Variants in TMEM108 observed in about 807,000 individuals in gnomAD.
TMEM108 encodes transmembrane protein 108, also known as cancer/testis antigen 124.
A neutral mutation model predicts 35.1 loss-of-function variants in TMEM108; 12 were observed. The observed-to-expected ratio is 0.34, with a 90% CI of 0.22 to 0.55. The LOEUF is 0.55. TMEM108 is among the 20% of genes least tolerant of loss of function. TMEM108 has a pLI of 0.89. For missense variants in TMEM108, 680 were observed against 753.3 expected, an observed-to-expected ratio of 0.90 and a Z score of 1.14; for synonymous variants, 287 against 308.6, an observed-to-expected ratio of 0.93 and a Z score of 0.73.
At chr3:133,223,557 T>C (rs1946023555) in intron 2 of TMEM108, among the ~76,000 whole-genome samples, 1 of 152,210 alleles carries the variant, frequency 6.6e-6, no homozygotes, top group South Asian at 2.1e-4. Flanking sequence ...AATTATTCTC[T>C]GAGGGACCAG....
intron 2 of TMEM108, among the ~76,000 whole-genome samples, chr3:133,191,863 G>A (rs1945502334): frequency 1.3e-5 from 2 of 152,076 alleles, no homozygotes; most frequent in South Asian, 2.1e-4. Flanking sequence ...TGAATGAATC[G>A]ATGGGGTAAA....
In TMEM108 at chr3:133,156,065, T is replaced by TTTAC. The variant is rs1170236438; in HGVS notation, c.-46-73198_-46-73197insCTTA. On this transcript the variant is annotated intron_variant, in intron 2 of 5. Transcript: ENST00000321871. The stretch of plus-strand genomic sequence containing the variant: ...TTTCAATCTTGTTTTTATTTTTTCT[T>TTTAC]TTATTTATTTATTTATTTATTTATT... 1.7e-3 allele frequency among the ~76,000 whole-genome samples: 70 copies of TTTAC among 41,884 alleles called. 1 individual carries two copies. The highest frequency in any genetic ancestry group is 0.011 in the African/African-American group (68 of 6,350). The allele number at this position is 41,884 out of a possible 152,430, so 27.5% of individuals were successfully genotyped here. A position where few individuals can be genotyped will look rare whatever the true frequency, so the allele number is the denominator to read the frequency against.
chr3:133,191,928 G>A (rs1170038972), intron 2 of TMEM108, among the ~76,000 whole-genome samples: 1 of 152,140 alleles, frequency 6.6e-6, no homozygotes, highest in African/African-American at 2.4e-5. Flanking sequence ...CACCCAGACT[G>A]CTTGAATATG....
chr3:133,151,622 G>T lies in TMEM108; in HGVS notation c.-46-77644G>T, dbSNP rs547388751. ...ACATTAAACTAGGATTTTAATGCTA[G>T]AAATAAATAATAGTAACAAAGAGCC... On this transcript the variant is annotated intron_variant, in intron 2 of 5. Transcript: ENST00000321871. Among the ~76,000 whole-genome samples, 4 of 152,214 alleles carry T rather than the reference G, an allele frequency of 2.6e-5. 1 individual carries two copies. Among genetic ancestry groups the T allele is most frequent in the African/African-American group, 9.6e-5 (4 of 41,562 alleles).
intron 3 of TMEM108, among the ~76,000 whole-genome samples, chr3:133,261,809 G>A (rs866865091): frequency 6.6e-6 from 1 of 152,126 alleles, no homozygotes; most frequent in Non-Finnish European, 1.5e-5. Flanking sequence ...GTATTTTAGC[G>A]GCTGCTTCAG....
At position 133,133,805 on chromosome 3, in the gene TMEM108, C is replaced by T. The variant is rs189444214; in HGVS notation, c.-47+87785C>T. ...TCCCAGGTTCACGCCATTCTATCGCCCAGGATGGAGTGCAGTGGCGCGATC... is the reference window on the plus strand; with the variant it reads ...TCCCAGGTTCACGCCATTCTATCGCTCAGGATGGAGTGCAGTGGCGCGATC... On this transcript the variant is annotated intron_variant, in intron 2 of 5. Coordinates refer to ENST00000321871, the MANE Select transcript of TMEM108 (RefSeq NM_023943.4). Among the ~76,000 whole-genome samples, 7 of 151,876 alleles carry T rather than the reference C, an allele frequency of 4.6e-5. No homozygotes were observed. The East Asian group carries it at 1.4e-3, about 29-fold the overall frequency.
At chr3:133,163,087 A>G (rs1944984318) in intron 2 of TMEM108, among the ~76,000 whole-genome samples, 1 of 152,128 alleles carries the variant, frequency 6.6e-6, no homozygotes, top group African/African-American at 2.4e-5. Flanking sequence ...CGTTGCTTTT[A>G]CTGGCCACAG....
intron 3 of TMEM108, among the ~76,000 whole-genome samples, chr3:133,241,748 G>A (rs11708546): frequency 0.32 from 48,257 of 151,292 alleles, 8,484 homozygotes; most frequent in East Asian, 0.47. Flanking sequence ...CCAAGTAGCT[G>A]GGATTACAGG....
At chr3:133,074,931 G>T (rs1943722363) in intron 2 of TMEM108, among the ~76,000 whole-genome samples, 2 of 152,162 alleles carry the variant, frequency 1.3e-5, no homozygotes, top group African/African-American at 2.4e-5. Flanking sequence ...ATAAGCCAGG[G>T]ACCATCCATA....
chr3:133,176,827 G>A (rs966357682), intron 2 of TMEM108, among the ~76,000 whole-genome samples: 2 of 151,780 alleles, frequency 1.3e-5, no homozygotes, highest in African/African-American at 4.8e-5. Context: ...GAGCAGAACT[G>A]AAGGAAATAG....
intron 1 of TMEM108, among the ~76,000 whole-genome samples, chr3:133,039,334 T>G (rs1190445548): frequency 6.6e-6 from 1 of 152,158 alleles, no homozygotes; most frequent in African/African-American, 2.4e-5. Context: ...TATTACTTAT[T>G]TTCAGCATGT....
intron 2 of TMEM108, among the ~76,000 whole-genome samples, chr3:133,164,686 T>C (rs933392975): frequency 1.3e-5 from 2 of 152,208 alleles, no homozygotes; most frequent in African/African-American, 4.8e-5. Context: ...ATCTTGCAGC[T>C]AAGTATGACA....
intron 3 of TMEM108, among the ~76,000 whole-genome samples, chr3:133,363,663 C>G (rs1364128494): frequency 6.6e-6 from 1 of 152,142 alleles, no homozygotes; most frequent in African/African-American, 2.4e-5. Context: ...ACCTTGGCCT[C>G]CCAAAGTGCT....
At chr3:133,073,526 A>ATATATATATATATATATATATATT (rs1195384146) in intron 2 of TMEM108, among the ~76,000 whole-genome samples, 2 of 116,682 alleles carry the variant, frequency 1.7e-5, no homozygotes, top group East Asian at 2.4e-4. Context: ...ATATATATAT[A>ATATATATATATATATATATATATT]TATATATATC....
At chr3:133,109,826 G>T (rs1168552306) in intron 2 of TMEM108, among the ~76,000 whole-genome samples, 1 of 152,146 alleles carries the variant, frequency 6.6e-6, no homozygotes, top group Non-Finnish European at 1.5e-5. Flanking sequence ...ATGATTTGTA[G>T]CATATTCTTA....
At chr3:133,179,058 C>T (rs1945287072) in intron 2 of TMEM108, among the ~76,000 whole-genome samples, 1 of 152,068 alleles carries the variant, frequency 6.6e-6, no homozygotes, top group Admixed American at 6.5e-5. Context: ...TGAAAAAATG[C>T]TCATCATCAC....
At chr3:133,102,882 A>G (rs1022807262) in intron 2 of TMEM108, among the ~76,000 whole-genome samples, 3 of 150,668 alleles carry the variant, frequency 2.0e-5, no homozygotes, top group African/African-American at 4.9e-5. Flanking sequence ...TCAAACCCCC[A>G]ATGAGATACC....
At chr3:133,329,470 A>G (rs2071368277) in intron 3 of TMEM108, among the ~76,000 whole-genome samples, 3 of 152,200 alleles carry the variant, frequency 2.0e-5, no homozygotes, top group Admixed American at 1.3e-4. Flanking sequence ...CCCGGCAGTC[A>G]GGATTTCAGG....
chr3:133,306,996 A>C (rs1257325940), intron 3 of TMEM108, among the ~76,000 whole-genome samples: 1 of 152,178 alleles, frequency 6.6e-6, no homozygotes, highest in Non-Finnish European at 1.5e-5. Context: ...CAACAGTGTA[A>C]AAGTGTTCCT....
Sources: gnomAD v4.1 joint callset for allele counts (sites outside exome capture counted in the v4.1 genomes callset) on GRCh38, gnomAD v4.1.1 for gene constraint, MANE v1.5 for transcripts, NCBI Gene and HGNC (gene_info 2026-07-23, HGNC 2026-07-21) for gene names.